The following ARG2 variants were observed in gnomAD, a reference collection of about 807,000 sequenced individuals.
ARG2 encodes the protein arginase-2, mitochondrial.
Under a neutral mutation model 39.4 loss-of-function variants are expected in ARG2, and 21 were observed. That is an observed-to-expected ratio of 0.53 (90% CI 0.38 to 0.77). The LOEUF (loss-of-function observed/expected upper bound fraction) is 0.77, where lower values mean the gene tolerates loss of function less well. Ranked by LOEUF, ARG2 falls within the 30% of genes least tolerant of loss-of-function variation. ARG2 has a pLI of 0.00. For synonymous variants in ARG2, 150 were observed against 156.7 expected (o/e 0.96, Z 0.32); for missense variants, 378 against 426.2 (o/e 0.89, Z 1.00).
intron 2 of ARG2, among the ~76,000 whole-genome samples, chr14:67,641,665 G>GTTA: frequency 6.6e-6 from 1 of 152,302 alleles, no homozygotes; most frequent in Non-Finnish European, 1.5e-5. Context: ...TCTTGGCCAG[G>GTTA]CAGGTGGCTC....
chr14:67,650,470 G>A (rs551371046), intron 7 of ARG2: 19 of 516,746 alleles, frequency 3.7e-5, no homozygotes, highest in Non-Finnish European at 6.3e-5. Context: ...TATGTTAGTT[G>A]AACAGGGATG....
chr14:67,637,312 G>A (rs2036981983), intron 2 of ARG2, among the ~76,000 whole-genome samples: 3 of 151,158 alleles, frequency 2.0e-5, no homozygotes, highest in South Asian at 4.2e-4. Flanking sequence ...TGGGGAGGCT[G>A]AGGCAGCAGA....
chr14:67,646,644 G>A lies in ARG2; in HGVS notation c.523G>A (p.Val175Ile), dbSNP rs915702629. ...TCCTGTCCATTTCTCCCTTTCATAG[G>A]TACCACAACTCCCAGGATTTTCCTG... The part of the protein sequence containing the change: ...SFLLRELQDK[V>I]PQLPGFSWIK... Residue 175 changes from valine (V) to isoleucine (I), a missense_variant and splice_region_variant, in exon 5 of 8, where the codon GTA becomes ATA. Val to Ile is a conservative substitution (Grantham distance 29). Coordinates refer to ENST00000261783, the MANE Select transcript of ARG2 (RefSeq NM_001172.4). The A allele has an allele frequency of 1.9e-6, 3 of 1,603,948 alleles. No individual in the cohort carries two copies. The highest frequency in any genetic ancestry group is 2.6e-6 in the Non-Finnish European group (3 of 1,171,332).
At chr14:67,649,205 A>G (rs1382017191) in intron 7 of ARG2, 1 of 152,100 alleles carries the variant, frequency 6.6e-6, no homozygotes, top group African/African-American at 2.4e-5. Context: ...CTTTGTTCCT[A>G]TGCTACAATA....
At chr14:67,633,846 C>G (rs2036943631) in intron 2 of ARG2, among the ~76,000 whole-genome samples, 1 of 152,226 alleles carries the variant, frequency 6.6e-6, no homozygotes, top group South Asian at 2.1e-4. Context: ...TTCCTCCTCT[C>G]TTATTCCTGG....
Position 67,646,952 on chromosome 14 carries a change from T to C in ARG2, c.649T>C (p.Phe217Leu). 1.9e-6 allele frequency: 3 copies of C among 1,611,080 alleles called. No homozygotes were observed. Among genetic ancestry groups the C allele is most frequent in the Non-Finnish European group, 2.5e-6 (3 of 1,177,374 alleles). Residue 217 changes from phenylalanine to leucine, a missense_variant, in exon 6 of 8, where the codon TTT becomes CTT. Transcript: ENST00000261783. ...TTTAAAGAACTATGATATCCAGTAT[T>C]TTTCCATGAGAGATATTGATCGACT... The part of the protein sequence containing the change: ...FILKNYDIQY[F>L]SMRDIDRLGI...
chr14:67,651,107 T>C lies in ARG2; in HGVS notation c.*187T>C. On this transcript the variant is annotated 3_prime_UTR_variant, in exon 8 of 8. Transcript: ENST00000261783. ...TACTACTGTAAATGTATTTGGTTTTTTGCAGTTCACAGGGTATTAATATGC... is the reference window on the plus strand; with the variant it reads ...TACTACTGTAAATGTATTTGGTTTTCTGCAGTTCACAGGGTATTAATATGC... The C allele has an allele frequency of 2.2e-6, 2 of 929,674 alleles. No homozygotes were observed. Among genetic ancestry groups the C allele is most frequent in the East Asian group, 2.6e-5 (1 of 37,892 alleles). 57.6% of individuals were successfully genotyped at this position (929,674 alleles called of 1,614,324 possible). A position where few individuals can be genotyped will look rare whatever the true frequency, so the allele number is the denominator to read the frequency against.
rs1173897584 is a variant in ARG2, at chr14:67,650,898, A to G, written c.1043A>G (p.Asn348Ser). The G allele has an allele frequency of 1.9e-6, 3 of 1,614,082 alleles. No individual in the cohort carries two copies. The highest frequency in any genetic ancestry group is 2.5e-6 in the Non-Finnish European group (3 of 1,179,976). Reference sequence around the variant, plus strand: ...CCCAGTTCACCAGATGAATCAGAAAATCAAGCACGTGTGAGAATTTAGGAG... The same window carrying G: ...CCCAGTTCACCAGATGAATCAGAAAGTCAAGCACGTGTGAGAATTTAGGAG... ...PTPSSPDESE[N>S]QARVRI is the part of the protein sequence containing the mutation. Residue 348 changes from asparagine (N) to serine (S), a missense_variant, in exon 8 of 8, where the codon AAT becomes AGT. Asn to Ser is a conservative substitution (Grantham distance 46, BLOSUM62 1). Coordinates refer to ENST00000261783, the MANE Select transcript of ARG2 (RefSeq NM_001172.4).
intron 2 of ARG2, among the ~76,000 whole-genome samples, chr14:67,633,419 A>G (rs971595552): frequency 6.6e-6 from 1 of 152,202 alleles, no homozygotes; most frequent in Non-Finnish European, 1.5e-5. Flanking sequence ...ACTGTCAGCC[A>G]TTGACGATTG....
Position 67,651,349 on chromosome 14 carries a change from C to T in ARG2, c.*429C>T. 1.2e-6 allele frequency: 2 copies of T among 1,612,620 alleles called. No individual in the cohort carries two copies. Among genetic ancestry groups the T allele is most frequent in the Admixed American group, 3.3e-5 (2 of 59,964 alleles). On this transcript the variant is annotated 3_prime_UTR_variant, in exon 8 of 8. Transcript: ENST00000261783. The stretch of plus-strand genomic sequence containing the variant: ...CCCTAACATCATGCATTCACAAGGT[C>T]AAAGTTCTGGTCCACAAACCCTTCC...
intron 2 of ARG2, among the ~76,000 whole-genome samples, chr14:67,638,024 G>A (rs144192261): frequency 6.6e-6 from 1 of 152,324 alleles, no homozygotes; most frequent in Non-Finnish European, 1.5e-5. Flanking sequence ...TAGCCACACA[G>A]ATGGCAAAGT....
chr14:67,648,318 TTA>T, intron 7 of ARG2, 135 bp downstream of exon 7: 1 of 967,474 alleles, frequency 1.0e-6, no homozygotes, highest in African/African-American at 1.7e-5. Context: ...TAGCTAAAAA[TTA>T]TATGGCCATG....
At chr14:67,632,916 G>T (rs1229240623) in intron 2 of ARG2, among the ~76,000 whole-genome samples, 1 of 143,182 alleles carries the variant, frequency 7.0e-6, no homozygotes, top group Non-Finnish European at 1.5e-5. Flanking sequence ...CGCCTCCCGG[G>T]TTCACACCAT....
rs774897437 is a variant in ARG2, at chr14:67,642,278, G to C, written c.277G>C (p.Gly93Arg). The change falls in exon 3 of 8, where the codon GGT (glycine) becomes CGT (arginine). Residue 93 changes from glycine (G) to arginine (R), a missense_variant. Gly to Arg is a moderately radical substitution (Grantham distance 125, BLOSUM62 -2). Coordinates refer to ENST00000261783, the MANE Select transcript of ARG2 (RefSeq NM_001172.4). The part of the protein sequence containing the change: ...NNLIVNPRSV[G>R]LANQELAEVV... ...CCTGATAGTGAATCCACGCTCAGTG[G>C]GTCTTGCCAACCAGGAACTGGCTGA... is the stretch of plus-strand genomic sequence containing the variant. The C allele has an allele frequency of 6.2e-7, 1 of 1,614,076 alleles. No homozygotes were observed. The highest frequency in any genetic ancestry group is 8.5e-7 in the Non-Finnish European group (1 of 1,180,000).
chr14:67,637,239 G>A (rs1283246948), intron 2 of ARG2, among the ~76,000 whole-genome samples: 1 of 151,524 alleles, frequency 6.6e-6, no homozygotes, highest in Non-Finnish European at 1.5e-5. Context: ...GCGAAACCTC[G>A]TCTCTACTAA....
intron 2 of ARG2, among the ~76,000 whole-genome samples, chr14:67,637,646 T>A (rs755006628): frequency 6.6e-6 from 1 of 152,144 alleles, no homozygotes; most frequent in African/African-American, 2.4e-5. Flanking sequence ...ATTGGCACAG[T>A]GGGCATTAGA....
intron 2 of ARG2, among the ~76,000 whole-genome samples, chr14:67,631,212 A>C (rs1051765801): frequency 1.3e-5 from 2 of 152,040 alleles, no homozygotes; most frequent in East Asian, 3.9e-4. Context: ...TGGCTTTCTC[A>C]TTGCCCTTTC....
chr14:67,624,946 A>ATGGTT (rs2036847489), intron 2 of ARG2, among the ~76,000 whole-genome samples: 1 of 152,194 alleles, frequency 6.6e-6, no homozygotes, highest in Non-Finnish European at 1.5e-5. Flanking sequence ...ATAGCCTGCA[A>ATGGTT]TCACAGTGAA....
At chr14:67,648,270 C>A in intron 7 of ARG2, 87 bp downstream of exon 7, 3 of 1,438,248 alleles carry the variant, frequency 2.1e-6, no homozygotes, top group South Asian at 2.7e-5. Flanking sequence ...TTCTGCTATT[C>A]CACATCATTG....
Sources: gnomAD v4.1 joint callset for allele counts (sites outside exome capture counted in the v4.1 genomes callset) on GRCh38, gnomAD v4.1.1 for gene constraint, MANE v1.5 for transcripts, NCBI Gene and HGNC (gene_info 2026-07-23, HGNC 2026-07-21) for gene names.